Variants in LIMS4 observed in about 807,000 individuals in gnomAD.
LIMS4 encodes the protein LIM and senescent cell antigen-like-containing domain protein 4.
At chr2:110,425,345 A>C in the LIMS4 span, among the ~76,000 whole-genome samples, 1 of 141,766 alleles carries the variant, frequency 7.1e-6, no homozygotes, top group Non-Finnish European at 1.5e-5. Context: ...GCACCACTGT[A>C]ATCCAGCCTG....
chr2:110,379,166 C>T, the LIMS4 span, among the ~76,000 whole-genome samples: 2 of 151,656 alleles, frequency 1.3e-5, no homozygotes, highest in African/African-American at 2.4e-5. Context: ...TTAGAAAGGG[C>T]TCCAAGGGTT....
chr2:110,363,376 TC>T, the LIMS4 span: 1 of 5,168 alleles, frequency 1.9e-4, no homozygotes, highest in Admixed American at 8.5e-4. Flanking sequence ...TCTCTTGATT[TC>T]CCCAGAAGAC....
the LIMS4 span, among the ~76,000 whole-genome samples, chr2:110,418,579 C>T: frequency 2.1e-5 from 1 of 47,854 alleles, no homozygotes; most frequent in Non-Finnish European, 3.6e-5. Context: ...TTTGAACATG[C>T]AGTCAAGACT....
the LIMS4 span, among the ~76,000 whole-genome samples, chr2:110,425,358 C>A: frequency 1.4e-5 from 2 of 141,204 alleles, no homozygotes; most frequent in African/African-American, 3.0e-5. Flanking sequence ...CCAGCCTGGG[C>A]AACAGCAATA....
At chr2:110,372,685 T>C in the LIMS4 span, among the ~76,000 whole-genome samples, 1 of 148,890 alleles carries the variant, frequency 6.7e-6, no homozygotes, top group Non-Finnish European at 1.5e-5. Flanking sequence ...TTTGTATTTT[T>C]AGTAGAGATG....
At chr2:110,395,966 C>T in the LIMS4 span, among the ~76,000 whole-genome samples, 3 of 141,258 alleles carry the variant, frequency 2.1e-5, no homozygotes, top group Non-Finnish European at 4.5e-5. Context: ...ACTGACAGAC[C>T]ACAGGGTGGG....
chr2:110,371,302 C>T, the LIMS4 span, among the ~76,000 whole-genome samples: 1 of 110,276 alleles, frequency 9.1e-6, no homozygotes, highest in Non-Finnish European at 1.7e-5. Flanking sequence ...TATTTTGAAA[C>T]ATTTTTGTAA....
At chr2:110,378,903 C>T in the LIMS4 span, among the ~76,000 whole-genome samples, 1 of 141,926 alleles carries the variant, frequency 7.0e-6, no homozygotes, top group African/African-American at 3.0e-5. Context: ...AGGCTGCAAA[C>T]CTTTATAAGA....
At chr2:110,359,320 G>T in the LIMS4 span, among the ~76,000 whole-genome samples, 5 of 121,620 alleles carry the variant, frequency 4.1e-5, no homozygotes, top group Admixed American at 8.5e-5. Flanking sequence ...ACATGTTCAG[G>T]GATAAATACA....
the LIMS4 span, among the ~76,000 whole-genome samples, chr2:110,372,019 C>T: frequency 3.3e-5 from 5 of 151,926 alleles, no homozygotes; most frequent in Non-Finnish European, 5.9e-5. Context: ...GGTGGGTGAA[C>T]TGGTGATCCC....
the LIMS4 span, among the ~76,000 whole-genome samples, chr2:110,419,656 C>CA: frequency 7.4e-3 from 60 of 8,138 alleles, 6 homozygotes; most frequent in South Asian, 0.012. Flanking sequence ...ACAACAACAA[C>CA]AAAAAAAAAA....
the LIMS4 span, among the ~76,000 whole-genome samples, chr2:110,425,598 C>G: frequency 4.2e-5 from 6 of 141,716 alleles, 1 homozygote; most frequent in African/African-American, 6.0e-5. Flanking sequence ...CTGGGTTGGC[C>G]TGGTGGAATC....
chr2:110,361,028 A>C, the LIMS4 span: 4 of 1,529,412 alleles, frequency 2.6e-6, 2 homozygotes, highest in East Asian at 9.2e-5. Context: ...TGGTTGAGTG[A>C]TTGCTCCTCT....
chr2:110,390,356 G>C, the LIMS4 span, among the ~76,000 whole-genome samples: 1 of 133,314 alleles, frequency 7.5e-6, no homozygotes, highest in Non-Finnish European at 1.6e-5. Flanking sequence ...CACCTCCCTG[G>C]ATGTGGTGAG....
the LIMS4 span, among the ~76,000 whole-genome samples, chr2:110,385,423 CTGA>C: frequency 7.8e-6 from 1 of 128,326 alleles, no homozygotes; most frequent in African/African-American, 3.7e-5. Context: ...ACGGAGGCAC[CTGA>C]TGGAAAGATT....
chr2:110,365,417 CA>C, the LIMS4 span, among the ~76,000 whole-genome samples: 2 of 140,182 alleles, frequency 1.4e-5, no homozygotes, highest in African/African-American at 6.0e-5. Context: ...GGAAATTGAA[CA>C]ACCTGCTCTT....
At chr2:110,391,278 G>T in the LIMS4 span, among the ~76,000 whole-genome samples, 1 of 144,698 alleles carries the variant, frequency 6.9e-6, no homozygotes, top group African/African-American at 2.7e-5. Context: ...GCCCAGCCCA[G>T]CTCAACAGGG....
intron 8 of LIMS4, among the ~76,000 whole-genome samples, chr2:110,448,345 AC>A (rs1191893613): frequency 8.4e-6 from 1 of 118,436 alleles, no homozygotes; most frequent in Non-Finnish European, 1.8e-5. Context: ...TGTCTTGTAT[AC>A]ATTTATTTAT....
At chr2:110,422,378 A>G in the LIMS4 span, among the ~76,000 whole-genome samples, 1 of 44,792 alleles carries the variant, frequency 2.2e-5, no homozygotes, top group Non-Finnish European at 3.4e-5. Flanking sequence ...ATATGGTAGA[A>G]TGCATCTGTT....
Sources: allele counts gnomAD v4.1 joint callset (sites outside exome capture counted in the v4.1 genomes callset), GRCh38; gene constraint gnomAD v4.1.1; transcripts MANE v1.5; gene names NCBI Gene and HGNC (gene_info 2026-07-23, HGNC 2026-07-21).